The following CELF2 variants were observed in gnomAD, a reference collection of about 807,000 sequenced individuals.
CELF2 encodes CUGBP Elav-like family member 2, also known as CUG triplet repeat RNA-binding protein 2.
In CELF2, 8 loss-of-function variants were observed where a neutral mutation model predicts 62.6. The observed-to-expected ratio is 0.13, with a 90% CI of 0.07 to 0.23. CELF2 has a LOEUF of 0.23. Ranked by LOEUF, CELF2 falls within the 10% of genes least tolerant of loss-of-function variation. The pLI is 1.00. For missense variants in CELF2, 333 were observed against 671.0 expected (o/e 0.50, Z 5.56); for synonymous variants, 258 against 250.0 (o/e 1.03, Z -0.30).
At chr10:10,593,124 G>T in the CELF2 span, among the ~76,000 whole-genome samples, 1 of 152,300 alleles carries the variant, frequency 6.6e-6, no homozygotes, top group Admixed American at 6.5e-5. Flanking sequence ...GTTAGGAACT[G>T]AAGTGGTGAG....
At chr10:10,534,861 C>T in the CELF2 span, among the ~76,000 whole-genome samples, 1 of 152,172 alleles carries the variant, frequency 6.6e-6, no homozygotes, top group African/African-American at 2.4e-5. Flanking sequence ...ATAAAGTAGA[C>T]TATTTAATAC....
At chr10:10,824,026 TAA>T (rs960465804) in intron 1 of CELF2, among the ~76,000 whole-genome samples, 8 of 151,940 alleles carry the variant, frequency 5.3e-5, no homozygotes, top group South Asian at 2.1e-4. Flanking sequence ...AGATGATAGA[TAA>T]GAGAGAGAGA....
the CELF2 span, among the ~76,000 whole-genome samples, chr10:10,524,763 C>T: frequency 6.6e-6 from 1 of 151,980 alleles, no homozygotes; most frequent in Non-Finnish European, 1.5e-5. Context: ...TGAAAAATTA[C>T]CAAGGTCATT....
At chr10:11,266,863 C>T (rs1026209157) in intron 6 of CELF2, among the ~76,000 whole-genome samples, 186 bp downstream of exon 6, 1 of 151,914 alleles carries the variant, frequency 6.6e-6, no homozygotes, top group African/African-American at 2.4e-5. Context: ...GCATTTTTCC[C>T]CTAATGACTT....
the CELF2 span, among the ~76,000 whole-genome samples, chr10:10,743,274 C>T: frequency 3.3e-5 from 5 of 152,158 alleles, no homozygotes; most frequent in African/African-American, 9.7e-5. Flanking sequence ...TTGAAATGAG[C>T]GGTGGTCTTT....
the CELF2 span, among the ~76,000 whole-genome samples, chr10:10,587,970 C>T: frequency 7.1e-4 from 108 of 152,106 alleles, no homozygotes; most frequent in South Asian, 1.7e-3. Context: ...GCTCCCCCTC[C>T]GCCCACTCAC....
chr10:10,582,715 A>C, the CELF2 span, among the ~76,000 whole-genome samples: 1 of 152,126 alleles, frequency 6.6e-6, no homozygotes, highest in African/African-American at 2.4e-5. Flanking sequence ...CTTTTATTTC[A>C]TGGTGTTTTT....
the CELF2 span, among the ~76,000 whole-genome samples, chr10:10,752,894 CA>C: frequency 6.6e-6 from 1 of 150,444 alleles, no homozygotes; most frequent in Non-Finnish European, 1.5e-5. Context: ...ATCCCTGGTT[CA>C]GGAGAATCCT....
At chr10:10,759,276 G>A in the CELF2 span, among the ~76,000 whole-genome samples, 1 of 147,024 alleles carries the variant, frequency 6.8e-6, no homozygotes. Context: ...GGATTCACTA[G>A]AAACTCAGTG....
chr10:11,066,448 A>C (rs1673992694), intron 1 of CELF2, among the ~76,000 whole-genome samples: 1 of 152,120 alleles, frequency 6.6e-6, no homozygotes, highest in African/African-American at 2.4e-5. Flanking sequence ...CTGGGAGAGC[A>C]TAAATGATTC....
chr10:10,834,815 G>A (rs144372859), intron 1 of CELF2, among the ~76,000 whole-genome samples: 12 of 152,280 alleles, frequency 7.9e-5, no homozygotes, highest in Non-Finnish European at 1.5e-4. Flanking sequence ...CCAGACACAC[G>A]TGTGGCACAG....
chr10:11,114,312 T>C (rs1490836248), intron 1 of CELF2, among the ~76,000 whole-genome samples: 1 of 152,210 alleles, frequency 6.6e-6, no homozygotes, highest in African/African-American at 2.4e-5. Context: ...ACAAGCATAA[T>C]AGGTCAATAG....
chr10:11,086,578 TAAAAAAAAAAAAAA>T lies in CELF2; in HGVS notation c.74+68434_74+68447del, dbSNP rs1168932032. Among the ~76,000 whole-genome samples, 87 of 71,984 alleles carry T rather than the reference TAAAAAAAAAAAAAA, an allele frequency of 1.2e-3. 2 individuals are homozygous for T. The highest frequency in any genetic ancestry group is 3.3e-3 in the African/African-American group (61 of 18,240). 47.2% of individuals were successfully genotyped at this position (71,984 alleles called of 152,430 possible). On this transcript the variant is annotated intron_variant, in intron 1 of 12. Transcript: ENST00000633077. ...AATCCATGTCTCCATTTGCATTTGT[TAAAAAAAAAAAAAA>T]AAAAAAAAAAAAAAAAAACTCCCGA...
At chr10:11,097,828 C>T (rs1343970489) in intron 1 of CELF2, among the ~76,000 whole-genome samples, 1 of 152,238 alleles carries the variant, frequency 6.6e-6, no homozygotes, top group Admixed American at 6.5e-5. Context: ...CAACCTTTGT[C>T]ACCATCATCA....
intron 5 of CELF2, among the ~76,000 whole-genome samples, chr10:11,262,607 A>G (rs1565625846): frequency 6.6e-6 from 1 of 152,180 alleles, no homozygotes; most frequent in Non-Finnish European, 1.5e-5. Flanking sequence ...CATGCCATAA[A>G]TGAGTGATGT....
chr10:11,301,517 A>T (rs1469037289), intron 9 of CELF2, among the ~76,000 whole-genome samples: 1 of 64,808 alleles, frequency 1.5e-5, no homozygotes, highest in East Asian at 4.6e-4. Context: ...CTCCCACAGC[A>T]CCCCCCACCC....
intron 1 of CELF2, among the ~76,000 whole-genome samples, chr10:10,867,289 T>C (rs912058305): frequency 9.2e-5 from 14 of 152,188 alleles, no homozygotes; most frequent in Non-Finnish European, 1.9e-4. Flanking sequence ...CCATTGAGTG[T>C]GGACAAATAT....
At chr10:10,743,555 G>A in the CELF2 span, among the ~76,000 whole-genome samples, 1 of 152,210 alleles carries the variant, frequency 6.6e-6, no homozygotes, top group Non-Finnish European at 1.5e-5. Flanking sequence ...GGCAACTTAT[G>A]AGTGCAAGAA....
chr10:10,902,380 G>C (rs1252340968), intron 1 of CELF2, among the ~76,000 whole-genome samples: 1 of 152,172 alleles, frequency 6.6e-6, no homozygotes, highest in Non-Finnish European at 1.5e-5. Context: ...TAGGCCCCAT[G>C]GTCTACTCAT....
Sources: gnomAD v4.1 joint callset for allele counts (sites outside exome capture counted in the v4.1 genomes callset) on GRCh38, gnomAD v4.1.1 for gene constraint, MANE v1.5 for transcripts, NCBI Gene and HGNC (gene_info 2026-07-23, HGNC 2026-07-21) for gene names.